RASAL2: variants seen among roughly 807,000 people sequenced by gnomAD.
The protein encoded by RASAL2 is ras GTPase-activating protein nGAP.
A neutral mutation model predicts 128.9 loss-of-function variants in RASAL2; 58 were observed. The ratio of observed to expected loss-of-function variants is 0.45; its 90% CI spans 0.36 to 0.56. RASAL2 has a LOEUF of 0.56. Ranked by LOEUF, RASAL2 falls within the 20% of genes least tolerant of loss-of-function variation. The probability of loss-of-function intolerance (pLI) is 0.00; values close to 1 mark genes in which losing one functional copy is unlikely to be tolerated. For synonymous variants in RASAL2, 561 were observed against 580.8 expected (o/e 0.97, Z 0.49); for missense variants, 1,360 against 1,601.6 (o/e 0.85, Z 2.57).
intron 3 of RASAL2, among the ~76,000 whole-genome samples, chr1:178,321,225 A>G (rs901115038): frequency 3.3e-5 from 5 of 152,086 alleles, no homozygotes; most frequent in Admixed American, 6.6e-5. Flanking sequence ...CTGAGATTAC[A>G]GGAATTTGCC....
At chr1:178,217,447 A>T (rs182211871) in intron 1 of RASAL2, among the ~76,000 whole-genome samples, 65 of 152,170 alleles carry the variant, frequency 4.3e-4, no homozygotes, top group African/African-American at 1.4e-3. Context: ...CATCATCACC[A>T]CCCAAAGTTC....
At position 178,228,932 on chromosome 1, in the gene RASAL2, CAAAG is replaced by C. The variant is rs529809630; in HGVS notation, c.203-54631_203-54628del. 2.1e-3 allele frequency among the ~76,000 whole-genome samples: 324 copies of C among 152,182 alleles called. 3 individuals are homozygous for C. The highest frequency in any genetic ancestry group is 7.2e-3 in the African/African-American group (297 of 41,514). ...ATTATAAAAATCTATATTATAGACT[CAAAG>C]GAAGAGGTTGTAAAATTTAAAAATA... On this transcript the variant is annotated intron_variant, in intron 1 of 17. Transcript: ENST00000367649.
At chr1:178,305,660 T>G (rs1452479689) in intron 3 of RASAL2, among the ~76,000 whole-genome samples, 1 of 152,158 alleles carries the variant, frequency 6.6e-6, no homozygotes, top group Non-Finnish European at 1.5e-5. Context: ...AGCTCAATTT[T>G]TGCACACGTT....
chr1:178,309,101 TAACC>T (rs1213675206), intron 3 of RASAL2, among the ~76,000 whole-genome samples: 5 of 152,146 alleles, frequency 3.3e-5, no homozygotes, highest in Non-Finnish European at 7.4e-5. Context: ...TGTATTTACT[TAACC>T]AACAGAAGCA....
At chr1:178,424,429 G>A (rs1557978531) in intron 5 of RASAL2, among the ~76,000 whole-genome samples, 2 of 151,780 alleles carry the variant, frequency 1.3e-5, no homozygotes. Context: ...AAATTTTTGA[G>A]ATAAACCACA....
At chr1:178,169,527 A>G (rs1661634067) in intron 1 of RASAL2, among the ~76,000 whole-genome samples, 1 of 152,154 alleles carries the variant, frequency 6.6e-6, no homozygotes, top group African/African-American at 2.4e-5. Context: ...GCTAACTATT[A>G]AATGGTCCAA....
Position 178,439,683 on chromosome 1 carries a change from G to A in RASAL2, c.828+108G>A, listed in dbSNP as rs143320951. 650 of 927,248 alleles carry A rather than the reference G, an allele frequency of 7.0e-4. 3 individuals carry two copies. In the African/African-American group the frequency reaches 7.2e-3, roughly 10 times the overall value. The allele number at this position is 927,248 out of a possible 1,614,324, so 57.4% of individuals were successfully genotyped here. A position where few individuals can be genotyped will look rare whatever the true frequency, so the allele number is the denominator to read the frequency against. On this transcript the variant is annotated intron_variant, in intron 6 of 17. Transcript: ENST00000367649. Reference sequence around the variant, plus strand: ...GTACAGTTGATGATTTAATTAACTGGTTTTCAGTTGCTAGAAATTATCTAC... The same window carrying A: ...GTACAGTTGATGATTTAATTAACTGATTTTCAGTTGCTAGAAATTATCTAC...
intron 1 of RASAL2, among the ~76,000 whole-genome samples, chr1:178,102,683 AT>A (rs1053977529): frequency 2.6e-5 from 4 of 152,238 alleles, no homozygotes; most frequent in South Asian, 2.1e-4. Flanking sequence ...ACATTAACAC[AT>A]TTTTTTAAAT....
chr1:178,186,489 AG>A (rs1408667969), intron 1 of RASAL2, among the ~76,000 whole-genome samples: 2 of 152,184 alleles, frequency 1.3e-5, no homozygotes, highest in South Asian at 4.1e-4. Flanking sequence ...TCATTTTTGA[AG>A]GGTATGGTAT....
At chr1:178,101,606 T>A (rs917598647) in intron 1 of RASAL2, among the ~76,000 whole-genome samples, 2 of 151,968 alleles carry the variant, frequency 1.3e-5, no homozygotes, top group Admixed American at 6.6e-5. Flanking sequence ...TTCGGAAGAG[T>A]AGTCTGAAAA....
Position 178,465,930 on chromosome 1 carries a change from A to G in RASAL2, c.3398A>G (p.Glu1133Gly). 6.4e-7 allele frequency: 1 copy of G among 1,550,884 alleles called. No homozygotes were observed. Among genetic ancestry groups the G allele is most frequent in the Non-Finnish European group, 8.7e-7 (1 of 1,147,046 alleles). Reference protein sequence around the residue: ...EAKHAEKYEQEITKLKERLRV... With the variant: ...EAKHAEKYEQGITKLKERLRV... ...CCTCCTCTGCCCTAGTATGAACAAG[A>G]AATTACTAAACTGAAGGAGCGCCTG... Residue 1133 changes from glutamate (E) to glycine (G), a missense_variant, in exon 16 of 18, where the codon GAA becomes GGA. Glu to Gly is a moderately conservative substitution (Grantham distance 98, BLOSUM62 -2). This residue lies in a region of RASAL2 where 741 missense variants were observed against 868.6 expected (regional missense o/e 0.85). Transcript: ENST00000367649.
intron 3 of RASAL2, among the ~76,000 whole-genome samples, chr1:178,352,936 C>T (rs1431494939): frequency 6.6e-6 from 1 of 152,246 alleles, no homozygotes; most frequent in African/African-American, 2.4e-5. Flanking sequence ...GAGCAGTGTC[C>T]TGAGGCTGCA....
chr1:178,127,006 C>A (rs74128858), intron 1 of RASAL2, among the ~76,000 whole-genome samples: 1 of 152,156 alleles, frequency 6.6e-6, no homozygotes, highest in Non-Finnish European at 1.5e-5. Context: ...TTCTGAAATA[C>A]TTAAGGTAGG....
chr1:178,468,525 C>T (rs1057461361), intron 17 of RASAL2, among the ~76,000 whole-genome samples: 2 of 152,098 alleles, frequency 1.3e-5, no homozygotes, highest in Non-Finnish European at 2.9e-5. Flanking sequence ...GCTGAAAGCA[C>T]GGTCGTGGAA....
In RASAL2 at chr1:178,290,554, ACAG is replaced by A. The variant is rs540788580; in HGVS notation, c.330+6867_330+6869del. Among the ~76,000 whole-genome samples the A allele has an allele frequency of 3.5e-3, 537 of 152,136 alleles. 3 individuals carry two copies. Among genetic ancestry groups the A allele is most frequent in the Middle Eastern group, 6.8e-3 (2 of 294 alleles). ...TAAAGTTAAAACCATTTGGAATTAG[ACAG>A]CAGTGGTAGTTGCACAACGTTGTGA... On this transcript the variant is annotated intron_variant, in intron 2 of 17. Coordinates refer to ENST00000367649, the MANE Select transcript of RASAL2 (RefSeq NM_170692.4).
intron 2 of RASAL2, among the ~76,000 whole-genome samples, chr1:178,298,806 A>T (rs1478891045): frequency 6.6e-6 from 1 of 152,148 alleles, no homozygotes; most frequent in Non-Finnish European, 1.5e-5. Flanking sequence ...ATTAGGAGTT[A>T]TGATTAATTA....
At position 178,454,563 on chromosome 1, in the gene RASAL2, C is replaced by T. The variant is rs1299830043; in HGVS notation, c.2126C>T (p.Pro709Leu). The T allele has an allele frequency of 6.2e-7, 1 of 1,613,932 alleles. No homozygotes were observed. The highest frequency in any genetic ancestry group is 2.2e-5 in the East Asian group (1 of 44,876). The change falls in exon 12 of 18, where the codon CCA becomes CTA. Residue 709 changes from proline to leucine, a missense_variant. Pro to Leu is a moderately conservative substitution (Grantham distance 98). Coordinates refer to ENST00000367649, the MANE Select transcript of RASAL2 (RefSeq NM_170692.4). The part of the protein sequence containing the change: ...ISNPDTISNT[P>L]GFDGYIDLGR... ...AATCCAGACACCATCTCAAACACCC[C>T]AGGCTTTGATGGTTACATTGATCTG...
At chr1:178,214,245 G>C (rs976964505) in intron 1 of RASAL2, among the ~76,000 whole-genome samples, 1 of 152,144 alleles carries the variant, frequency 6.6e-6, no homozygotes, top group Non-Finnish European at 1.5e-5. Context: ...CTGCTCTCCA[G>C]CCTGGATGAC....
At chr1:178,277,147 CAAA>C (rs61384367) in intron 1 of RASAL2, among the ~76,000 whole-genome samples, 45 of 55,132 alleles carry the variant, frequency 8.2e-4, no homozygotes, top group African/African-American at 2.8e-3. Context: ...GATTCCCTCT[CAAA>C]AAAAAAAAAA....
Sources: allele counts gnomAD v4.1 joint callset (sites outside exome capture counted in the v4.1 genomes callset), GRCh38; gene constraint gnomAD v4.1.1; regional missense constraint gnomAD v4.1.1; transcripts MANE v1.5; gene names NCBI Gene and HGNC (gene_info 2026-07-23, HGNC 2026-07-21).